MAST4: variants seen among roughly 807,000 people sequenced by gnomAD.
MAST4 encodes microtubule associated serine/threonine kinase family member 4.
A neutral mutation model predicts 162.7 loss-of-function variants in MAST4; 89 were observed. The observed-to-expected ratio is 0.55, with a 90% CI of 0.46 to 0.65. MAST4 has a LOEUF of 0.65. Among genes scored for constraint, MAST4 ranks in the 30% least tolerant of loss-of-function variants. The pLI is 0.00. For missense variants in MAST4, 3,153 were observed against 3,374.0 expected (o/e 0.93, Z 1.62); for synonymous variants, 1,479 against 1,361.1 (o/e 1.09, Z -1.91).
chr5:66,721,244 A>G (rs73112457), intron 1 of MAST4, among the ~76,000 whole-genome samples: 2,693 of 152,234 alleles, frequency 0.018, 81 homozygotes, highest in African/African-American at 0.06. Flanking sequence ...AGATTCCTCT[A>G]GAGTTATACT....
At chr5:66,923,611 C>T (rs1489706832) in intron 4 of MAST4, among the ~76,000 whole-genome samples, 1 of 152,172 alleles carries the variant, frequency 6.6e-6, no homozygotes, top group African/African-American at 2.4e-5. Flanking sequence ...CCTCCTGTAA[C>T]CCCCAGGTTC....
intron 1 of MAST4, among the ~76,000 whole-genome samples, chr5:66,626,800 G>A (rs1435941835): frequency 6.6e-6 from 1 of 152,158 alleles, no homozygotes; most frequent in African/African-American, 2.4e-5. Flanking sequence ...CACCTAAGTG[G>A]AGATGTGAGG....
intron 1 of MAST4, among the ~76,000 whole-genome samples, chr5:66,739,308 C>T (rs1469331079): frequency 2.0e-5 from 3 of 152,160 alleles, no homozygotes; most frequent in South Asian, 2.1e-4. Context: ...CATCTTTCTT[C>T]GGTTGTGGGG....
intron 1 of MAST4, among the ~76,000 whole-genome samples, chr5:66,601,740 C>T (rs773423412): frequency 6.6e-6 from 1 of 152,078 alleles, no homozygotes; most frequent in African/African-American, 2.4e-5. Context: ...AAGCAGCAGC[C>T]GGGTCATACA....
intron 1 of MAST4, among the ~76,000 whole-genome samples, chr5:66,611,932 T>C (rs1246047019): frequency 6.6e-6 from 1 of 152,214 alleles, no homozygotes; most frequent in Non-Finnish European, 1.5e-5. Context: ...GTCATGGATG[T>C]TCAAAATTTT....
intron 3 of MAST4, among the ~76,000 whole-genome samples, chr5:66,815,688 A>G (rs892509548): frequency 4.6e-5 from 7 of 152,242 alleles, no homozygotes; most frequent in African/African-American, 1.7e-4. Flanking sequence ...GGTATTATTT[A>G]TGATGGCTTA....
intron 1 of MAST4, among the ~76,000 whole-genome samples, chr5:66,695,540 CTAATTATGTGAAGAATGT>C (rs1749344043): frequency 6.6e-6 from 1 of 151,664 alleles, no homozygotes. Context: ...AGTTTTTTTT[CTAATTATGTGAAGAATGT>C]CAATCGTAGT....
chr5:66,634,880 C>A (rs1157617419), intron 1 of MAST4, among the ~76,000 whole-genome samples: 5 of 152,198 alleles, frequency 3.3e-5, no homozygotes, highest in African/African-American at 1.2e-4. Context: ...GAGCCCTCTG[C>A]TTCCTTCTCT....
chr5:66,716,260 A>G (rs1750829361), intron 1 of MAST4, among the ~76,000 whole-genome samples: 1 of 152,210 alleles, frequency 6.6e-6, no homozygotes, highest in Non-Finnish European at 1.5e-5. Context: ...TTCATTATTT[A>G]CAGTATGCAA....
intron 3 of MAST4, among the ~76,000 whole-genome samples, chr5:66,871,075 T>C (rs897871907): frequency 2.0e-5 from 3 of 152,166 alleles, no homozygotes; most frequent in Non-Finnish European, 4.4e-5. Context: ...AAATCCCTGA[T>C]GGTAGCATTT....
chr5:66,791,006 T>C (rs542811208), intron 3 of MAST4, among the ~76,000 whole-genome samples: 19 of 152,274 alleles, frequency 1.2e-4, no homozygotes, highest in Admixed American at 1.0e-3. Context: ...TAATATGTTT[T>C]CTTAAGTAAT....
At chr5:67,069,943 A>C (rs1760743906) in intron 5 of MAST4, among the ~76,000 whole-genome samples, 1 of 149,454 alleles carries the variant, frequency 6.7e-6, no homozygotes, top group Non-Finnish European at 1.5e-5. Context: ...AACATGCCCT[A>C]CTTCAGTGTT....
At chr5:66,759,919 A>G (rs1486606116) in intron 2 of MAST4, 57 bp downstream of exon 2, 3 of 1,590,078 alleles carry the variant, frequency 1.9e-6, no homozygotes, top group Admixed American at 1.7e-5. Flanking sequence ...AAGGTCCTGC[A>G]TGGCCCCAGA....
At chr5:66,714,937 G>C (rs1750725016) in intron 1 of MAST4, among the ~76,000 whole-genome samples, 1 of 152,150 alleles carries the variant, frequency 6.6e-6, no homozygotes, top group Admixed American at 6.5e-5. Flanking sequence ...ATTTGAATCT[G>C]TTTCCCCCAC....
chr5:66,765,043 T>G (rs148868310), intron 2 of MAST4, among the ~76,000 whole-genome samples: 1 of 152,162 alleles, frequency 6.6e-6, no homozygotes, highest in African/African-American at 2.4e-5. Context: ...ATACTGATCA[T>G]TGTGTTGCAG....
chr5:66,632,535 A>G (rs950744204), intron 1 of MAST4, among the ~76,000 whole-genome samples: 3 of 152,118 alleles, frequency 2.0e-5, no homozygotes, highest in South Asian at 4.1e-4. Context: ...TCACCCCTAC[A>G]TTTGTGTACA....
At chr5:66,629,459 G>A (rs181898307) in intron 1 of MAST4, among the ~76,000 whole-genome samples, 39 of 152,274 alleles carry the variant, frequency 2.6e-4, no homozygotes, top group Non-Finnish European at 2.9e-5. Flanking sequence ...CTCTGCTCAA[G>A]TTTTAGCAAA....
At chr5:66,851,381 G>A (rs928780968) in intron 3 of MAST4, among the ~76,000 whole-genome samples, 3 of 152,190 alleles carry the variant, frequency 2.0e-5, no homozygotes, top group East Asian at 1.9e-4. Flanking sequence ...AGGAGCAGCC[G>A]TCTAATTTAT....
chr5:66,856,216 G>A (rs1759674448), intron 3 of MAST4, among the ~76,000 whole-genome samples: 1 of 152,180 alleles, frequency 6.6e-6, no homozygotes, highest in African/African-American at 2.4e-5. Context: ...GTTAGTCTGA[G>A]CTTGCACTGA....
Sources: gnomAD v4.1 joint callset for allele counts (sites outside exome capture counted in the v4.1 genomes callset) on GRCh38, gnomAD v4.1.1 for gene constraint, MANE v1.5 for transcripts, NCBI Gene and HGNC (gene_info 2026-07-23, HGNC 2026-07-21) for gene names.